LYST: variants seen among roughly 807,000 people sequenced by gnomAD.
LYST encodes the protein lysosomal trafficking regulator, also known as lysosomal-trafficking regulator.
Under a neutral mutation model 413.6 loss-of-function variants are expected in LYST, and 192 were observed. That is an observed-to-expected ratio of 0.46 (90% CI 0.41 to 0.52). The LOEUF is 0.52. Among genes scored for constraint, LYST ranks in the 20% least tolerant of loss-of-function variants. The pLI is 0.00. For synonymous variants in LYST, 1,525 were observed against 1,567.3 expected (o/e 0.97, Z 0.64); for missense variants, 3,815 against 4,499.9 (o/e 0.85, Z 4.35).
rs186220471 is a variant in LYST, at chr1:235,714,223, T to G, written c.9784+978A>C. ...AAAAACTCTTTATTTAGTACAAAAC[T>G]GTCCTATTTATTTTTTGGTATTCCT... On this transcript the variant is annotated intron_variant, in intron 42 of 52. Coordinates refer to ENST00000389793, the MANE Select transcript of LYST (RefSeq NM_000081.4). 9.6e-4 allele frequency among the ~76,000 whole-genome samples: 146 copies of G among 152,334 alleles called. 3 individuals carry two copies. The East Asian group carries it at 0.02, about 21-fold the overall frequency.
chr1:235,808,899 C>T lies in LYST; in HGVS notation c.1919G>A (p.Cys640Tyr), dbSNP rs200312061. The change falls in exon 5 of 53, where the codon TGT (cysteine) becomes TAT (tyrosine). Residue 640 changes from cysteine (C) to tyrosine (Y), a missense_variant. This residue lies in a region of LYST where 1,648 missense variants were observed against 1,810.3 expected (regional missense o/e 0.91). Transcript: ENST00000389793. The part of the protein sequence containing the change: ...PKIKKAACNI[C>Y]TVDSDQLAQL... ...GGCTAGTTGGTCAGAGTCAACAGTA[C>T]AAATATTACAAGCTGCTTTTTTAAT... 1.2e-6 allele frequency: 2 copies of T among 1,612,896 alleles called. No individual in the cohort carries two copies. Among genetic ancestry groups the T allele is most frequent in the African/African-American group, 1.3e-5 (1 of 74,810 alleles).
intron 1 of LYST, among the ~76,000 whole-genome samples, chr1:235,881,698 A>G (rs918534312): frequency 5.3e-5 from 8 of 152,228 alleles, no homozygotes; most frequent in African/African-American, 1.9e-4. Flanking sequence ...CCTTAAAAAG[A>G]AAAGAAATTC....
At chr1:235,703,063 GT>G in intron 44 of LYST, 86 bp from the exon 45 acceptor site, 1 of 988,382 alleles carries the variant, frequency 1.0e-6, no homozygotes, top group Non-Finnish European at 1.6e-6. Flanking sequence ...ACAACACTTT[GT>G]TTTATATTCT....
In LYST at chr1:235,787,294, T is replaced by C; in HGVS notation, c.4768A>G (p.Ser1590Gly). 3 of 1,613,760 alleles carry C rather than the reference T, an allele frequency of 1.9e-6. No individual in the cohort carries two copies. The highest frequency in any genetic ancestry group is 2.5e-6 in the Non-Finnish European group (3 of 1,179,718). ...GTGAGTACTAAATGTTGCCATTTGC[T>C]TGGGAGGAAAATATTCTCCTGTGAT... ...VESQENIFLP[S>G]KWQHLVLTYL... The change falls in exon 14 of 53, where the codon AGC becomes GGC. Residue 1590 changes from serine (S) to glycine (G), a missense_variant. This residue lies in a region of LYST where 530 missense variants were observed against 696.5 expected (regional missense o/e 0.76). Transcript: ENST00000389793.
rs539766750 is a variant in LYST at position 235,804,872 on chromosome 1, T to C, written c.3394-207A>G. On this transcript the variant is annotated intron_variant, in intron 6 of 52. Coordinates refer to ENST00000389793, the MANE Select transcript of LYST (RefSeq NM_000081.4). The stretch of plus-strand genomic sequence containing the variant: ...CATTTTTATTGATAAAATACTTAGT[T>C]CATCTTATTTGGTTTTCATTGCAGC... 2.0e-5 allele frequency among the ~76,000 whole-genome samples: 3 copies of C among 152,314 alleles called. No homozygotes were observed. In the East Asian group the frequency reaches 5.8e-4, roughly 29 times the overall value.
At chr1:235,734,876 T>C in intron 31 of LYST, 1 of 397,260 alleles carries the variant, frequency 2.5e-6, no homozygotes, top group Middle Eastern at 6.8e-4. Context: ...GATGTAATAA[T>C]GTTATGTTAC....
intron 1 of LYST, among the ~76,000 whole-genome samples, chr1:235,862,848 C>CACAA (rs36022107): frequency 1.4e-5 from 2 of 146,394 alleles, no homozygotes; most frequent in African/African-American, 5.2e-5. Flanking sequence ...CACACACACA[C>CACAA]CCCTTCAAGA....
chr1:235,750,867 C>T (rs776486487), intron 28 of LYST, among the ~76,000 whole-genome samples: 3 of 152,064 alleles, frequency 2.0e-5, no homozygotes, highest in Admixed American at 6.6e-5. Flanking sequence ...CAGAGACTTC[C>T]CTAACTCCTG....
chr1:235,754,692 T>A (rs1666837364), intron 25 of LYST, among the ~76,000 whole-genome samples: 1 of 152,156 alleles, frequency 6.6e-6, no homozygotes, highest in South Asian at 2.1e-4. Flanking sequence ...AATACATTGA[T>A]TTACCTGGAA....
chr1:235,864,998 TCAAGTCCTTAAAAGGGCCTA>T (rs1680329655), intron 1 of LYST, among the ~76,000 whole-genome samples: 1 of 152,242 alleles, frequency 6.6e-6, no homozygotes, highest in East Asian at 1.9e-4. Flanking sequence ...GAGTAGAAAC[TCAAGTCCTTAAAAGGGCCTA>T]CAAGGCCTTA....
At chr1:235,687,103 T>C in intron 47 of LYST, 56 bp from the exon 48 acceptor site, 1 of 1,183,814 alleles carries the variant, frequency 8.4e-7, no homozygotes, top group Non-Finnish European at 1.3e-6. Context: ...AAACTTAAAG[T>C]ATAATAAAAA....
At position 235,791,862 on chromosome 1, in the gene LYST, C is replaced by G. The variant is rs768247031; in HGVS notation, c.4380G>C (p.Leu1460Phe). ...GGTGTGGCCAGCAGTTTTGCCCCAG[C>G]AACGGCAGGTGGACTGGGGCTATGT... ...SWHIAPVHLP[L>F]LGQNCWPHLS... The change falls in exon 12 of 53, where the codon TTG (leucine) becomes TTC (phenylalanine). Residue 1460 changes from leucine (L) to phenylalanine (F), a missense_variant. Coordinates refer to ENST00000389793, the MANE Select transcript of LYST (RefSeq NM_000081.4). 1 of 1,614,186 alleles carries G rather than the reference C, an allele frequency of 6.2e-7. No homozygotes were observed. Among genetic ancestry groups the G allele is most frequent in the South Asian group, 1.1e-5 (1 of 91,088 alleles).
chr1:235,773,377 G>A (rs939624503), intron 19 of LYST, among the ~76,000 whole-genome samples: 2 of 151,914 alleles, frequency 1.3e-5, no homozygotes, highest in Non-Finnish European at 2.9e-5. Context: ...TTCTATTCAC[G>A]GTAGCTAAAA....
Position 235,662,342 on chromosome 1 carries a change from T to G in LYST, c.*598A>C, listed in dbSNP as rs1658107063. On this transcript the variant is annotated 3_prime_UTR_variant, in exon 53 of 53. Transcript: ENST00000389793. ...AGCTAAGAAAGCAACTGGCAAAAAC[T>G]GCCTAATTTTGAGATTCATTCATAG... 1 of 152,766 alleles carries G rather than the reference T, an allele frequency of 6.5e-6. No homozygotes were observed. The highest frequency in any genetic ancestry group is 1.5e-5 in the Non-Finnish European group (1 of 68,464). 9.5% of individuals were successfully genotyped at this position (152,766 alleles called of 1,614,324 possible).
At chr1:235,747,089 T>G (rs1280094981) in intron 28 of LYST, 8 of 280,844 alleles carry the variant, frequency 2.8e-5, no homozygotes, top group Admixed American at 4.8e-5. Context: ...CATTTGGAAT[T>G]CAATGCTACA....
At chr1:235,685,120 A>C (rs546264174) in intron 48 of LYST, among the ~76,000 whole-genome samples, 28 of 152,204 alleles carry the variant, frequency 1.8e-4, no homozygotes, top group Non-Finnish European at 2.8e-4. Flanking sequence ...CTCTGCCTGA[A>C]ATGTTCTTTC....
intron 3 of LYST, among the ~76,000 whole-genome samples, chr1:235,820,506 A>G: frequency 6.6e-6 from 1 of 152,090 alleles, no homozygotes; most frequent in East Asian, 1.9e-4. Context: ...AGTAGCTGGG[A>G]CTACAGGCAC....
At chr1:235,754,820 T>C (rs1433895366) in intron 25 of LYST, among the ~76,000 whole-genome samples, 2 of 151,986 alleles carry the variant, frequency 1.3e-5, no homozygotes, top group Admixed American at 6.6e-5. Context: ...ACACCTATAA[T>C]CCCAACACTT....
chr1:235,766,185 A>T lies in LYST; in HGVS notation c.6015T>A (p.Asp2005Glu). Reference sequence around the variant, plus strand: ...TGAAGATAATTGTCAATAATTCCAAATCTGGAGGAGATCCAAGGACTTCTG... The same window carrying T: ...TGAAGATAATTGTCAATAATTCCAATTCTGGAGGAGATCCAAGGACTTCTG... ...IIAEVLGSPP[D>E]LELLTIIFNF... Residue 2005 changes from aspartate to glutamate, a missense_variant, in exon 21 of 53, where the codon GAT (aspartate) becomes GAA (glutamate). Physicochemically the swap from Asp to Glu is conservative, Grantham distance 45. Transcript: ENST00000389793. 5.6e-6 allele frequency: 9 copies of T among 1,613,512 alleles called. No homozygotes were observed. The highest frequency in any genetic ancestry group is 7.6e-6 in the Non-Finnish European group (9 of 1,179,500).
Sources: gnomAD v4.1 joint callset for allele counts (sites outside exome capture counted in the v4.1 genomes callset) on GRCh38, gnomAD v4.1.1 for gene constraint, gnomAD v4.1.1 regional missense constraint, MANE v1.5 for transcripts, NCBI Gene and HGNC (gene_info 2026-07-23, HGNC 2026-07-21) for gene names.